Variants in CFAP299 observed in about 807,000 individuals in gnomAD.
The protein encoded by CFAP299 is cilia- and flagella-associated protein 299.
A neutral mutation model predicts 27.0 loss-of-function variants in CFAP299; 21 were observed. The observed-to-expected ratio is 0.78, with a 90% CI of 0.55 to 1.12. The LOEUF (loss-of-function observed/expected upper bound fraction) is 1.12. Among genes scored for constraint, CFAP299 ranks in the 50% most tolerant of loss-of-function variants. The pLI is 0.00. For missense variants in CFAP299, 310 were observed against 276.6 expected (o/e 1.12, Z -0.86); for synonymous variants, 104 against 98.1 (o/e 1.06, Z -0.36).
chr4:80,782,378 T>C (rs1726931359), intron 3 of CFAP299, among the ~76,000 whole-genome samples: 1 of 151,692 alleles, frequency 6.6e-6, no homozygotes, highest in South Asian at 2.1e-4. Context: ...TACTTTTAGT[T>C]ATTTTTAAAC....
At chr4:80,504,528 G>A (rs1731917346) in intron 2 of CFAP299, among the ~76,000 whole-genome samples, 1 of 109,886 alleles carries the variant, frequency 9.1e-6, no homozygotes, top group Admixed American at 1.3e-4. Context: ...AGAATGCAAT[G>A]AATTCTTTTT....
intron 3 of CFAP299, among the ~76,000 whole-genome samples, chr4:80,680,146 TA>T (rs1435471064): frequency 6.6e-6 from 1 of 152,042 alleles, no homozygotes; most frequent in Non-Finnish European, 1.5e-5. Flanking sequence ...AACTCTCATT[TA>T]AAAAAATTGC....
chr4:80,938,639 T>C (rs191509696), intron 4 of CFAP299, among the ~76,000 whole-genome samples: 1 of 152,318 alleles, frequency 6.6e-6, no homozygotes, highest in Non-Finnish European at 1.5e-5. Flanking sequence ...TATTTCTGTG[T>C]GTGTGTCTTT....
At chr4:80,799,729 A>AAT (rs1234882945) in intron 3 of CFAP299, among the ~76,000 whole-genome samples, 3 of 52,780 alleles carry the variant, frequency 5.7e-5, no homozygotes, top group African/African-American at 2.5e-4. Flanking sequence ...ATATTTTATA[A>AAT]ATATATATAT....
chr4:80,326,616 G>A, the CFAP299 span, among the ~76,000 whole-genome samples: 1 of 152,216 alleles, frequency 6.6e-6, no homozygotes, highest in South Asian at 2.1e-4. Flanking sequence ...GACTATAGCT[G>A]GCCTGTGGTT....
intron 3 of CFAP299, among the ~76,000 whole-genome samples, chr4:80,591,224 C>T (rs913546111): frequency 6.8e-6 from 1 of 146,460 alleles, no homozygotes; most frequent in African/African-American, 2.5e-5. Flanking sequence ...CCCGGGTTCA[C>T]GCCATTCTCC....
At chr4:80,489,857 C>T (rs182152120) in intron 2 of CFAP299, among the ~76,000 whole-genome samples, 3 of 152,262 alleles carry the variant, frequency 2.0e-5, no homozygotes, top group African/African-American at 7.2e-5. Flanking sequence ...AGAACCATGG[C>T]CATTGAAGTA....
At chr4:80,800,841 A>G (rs1560419986) in intron 3 of CFAP299, among the ~76,000 whole-genome samples, 1 of 147,470 alleles carries the variant, frequency 6.8e-6, no homozygotes, top group South Asian at 2.1e-4. Context: ...AGGTCCCACA[A>G]TAGGCCATCT....
chr4:80,589,186 C>T (rs1157921105), intron 3 of CFAP299, among the ~76,000 whole-genome samples: 2 of 152,104 alleles, frequency 1.3e-5, no homozygotes, highest in African/African-American at 4.8e-5. Flanking sequence ...TCAATTACTC[C>T]TGATTTATAT....
intron 3 of CFAP299, among the ~76,000 whole-genome samples, chr4:80,725,622 C>G (rs1198368797): frequency 6.6e-6 from 1 of 152,192 alleles, no homozygotes; most frequent in African/African-American, 2.4e-5. Flanking sequence ...GTTTCTCCAA[C>G]AAAGACTACT....
intron 2 of CFAP299, among the ~76,000 whole-genome samples, chr4:80,476,428 A>G (rs574711212): frequency 2.6e-5 from 4 of 152,250 alleles, no homozygotes; most frequent in East Asian, 3.9e-4. Flanking sequence ...GTGGGAAGGT[A>G]TGGAAGGTTC....
chr4:80,486,296 G>A (rs1465845870), intron 2 of CFAP299, among the ~76,000 whole-genome samples: 1 of 152,078 alleles, frequency 6.6e-6, no homozygotes, highest in Admixed American at 6.5e-5. Flanking sequence ...CTACACCCAG[G>A]GCTGCCTGCC....
At chr4:80,832,528 T>C (rs28397185) in intron 3 of CFAP299, among the ~76,000 whole-genome samples, 6,097 of 152,154 alleles carry the variant, frequency 0.04, 179 homozygotes, top group East Asian at 0.14. Flanking sequence ...AAAAAAAGCT[T>C]ATATAATTTT....
rs547338910 is a variant in CFAP299 at position 80,528,780 on chromosome 4, C to T, written c.243-54313C>T. ...TGTTATTCTCTCCAGATTTCACTCT[C>T]CCTCTAATATTTAAATTTCAGTGTA... On this transcript the variant is annotated intron_variant, in intron 2 of 5. Transcript: ENST00000358105. 1.2e-4 allele frequency among the ~76,000 whole-genome samples: 19 copies of T among 152,188 alleles called. 1 individual carries two copies. Among genetic ancestry groups the T allele is most frequent in the African/African-American group, 4.1e-4 (17 of 41,538 alleles).
intron 3 of CFAP299, among the ~76,000 whole-genome samples, chr4:80,781,229 A>T (rs547001439): frequency 2.0e-5 from 3 of 152,108 alleles, no homozygotes; most frequent in Non-Finnish European, 4.4e-5. Flanking sequence ...TTTTGTCTTT[A>T]TCATCAGAAG....
intron 2 of CFAP299, among the ~76,000 whole-genome samples, chr4:80,491,884 A>G (rs1327104546): frequency 6.6e-6 from 1 of 152,214 alleles, no homozygotes; most frequent in Non-Finnish European, 1.5e-5. Flanking sequence ...CTCTATTAAC[A>G]TAGCTAAATC....
In CFAP299 at chr4:80,540,914, C is replaced by A. The variant is rs374243468; in HGVS notation, c.243-42179C>A. Among the ~76,000 whole-genome samples the A allele has an allele frequency of 5.0e-3, 766 of 152,252 alleles. 3 individuals carry two copies. The highest frequency in any genetic ancestry group is 0.017 in the Middle Eastern group (5 of 294). On this transcript the variant is annotated intron_variant, in intron 2 of 5. Transcript: ENST00000358105. ...CTTTCAACTTTTGTGAAACTCTCAT[C>A]TGTTCCTTTGATGGGGATTTTTTAT...
chr4:80,726,914 C>A (rs1403946326), intron 3 of CFAP299, among the ~76,000 whole-genome samples: 1 of 152,054 alleles, frequency 6.6e-6, no homozygotes, highest in East Asian at 1.9e-4. Flanking sequence ...TCTAGGAATA[C>A]TTTCCATGAT....
chr4:80,368,199 C>T (rs1723941989), intron 2 of CFAP299, among the ~76,000 whole-genome samples: 1 of 152,168 alleles, frequency 6.6e-6, no homozygotes, highest in Non-Finnish European at 1.5e-5. Context: ...TCTTGGAAGA[C>T]TATTAGATAA....
Sources: allele counts gnomAD v4.1 joint callset (sites outside exome capture counted in the v4.1 genomes callset), GRCh38; gene constraint gnomAD v4.1.1; transcripts MANE v1.5; gene names NCBI Gene and HGNC (gene_info 2026-07-23, HGNC 2026-07-21).